Variants in SPRR2A observed in about 807,000 individuals in gnomAD.
SPRR2A encodes small proline rich protein 2A, also known as small proline-rich protein 2A.
In SPRR2A, 3 loss-of-function variants were observed where a neutral mutation model predicts 1.2. That is an observed-to-expected ratio of 2.56 (90% confidence interval 1.17 to 6.62). SPRR2A has a LOEUF of 6.62. Ranked by LOEUF, SPRR2A falls within the 30% of genes most tolerant of loss-of-function variation. The pLI is 0.02. For synonymous variants in SPRR2A, 31 were observed against 33.1 expected (o/e 0.94, Z 0.21); for missense variants, 66 against 87.8 (o/e 0.75, Z 0.99).
chr1:153,056,577 T>G lies in SPRR2A; in HGVS notation c.159A>C (p.Lys53Asn). The change falls in exon 2 of 2, where the codon AAA becomes AAC. Residue 53 changes from lysine (K) to asparagine (N), a missense_variant. Physicochemically the swap from Lys to Asn is moderately conservative, Grantham distance 94. Coordinates refer to ENST00000392653, the MANE Select transcript of SPRR2A (RefSeq NM_005988.3). ...GTGGGGAAGGTGTCACAGGAGGATA[T>G]TTCTGCTGGCACTGCTGAGGTGGGC... ...QPCPPQQCQQ[K>N]YPPVTPSPPC... The G allele has an allele frequency of 6.2e-7, 1 of 1,612,196 alleles. No homozygotes were observed. The highest frequency in any genetic ancestry group is 1.3e-5 in the African/African-American group (1 of 74,950).
Position 153,056,427 on chromosome 1 carries a change from A to G in SPRR2A, c.*90T>C, listed in dbSNP as rs1332883248. ...AAGAAGCTCCCTGTGTATCCATGGT[A>G]GGCTTTGATGAGAAGATGAAGGTGG... On this transcript the variant is annotated 3_prime_UTR_variant, in exon 2 of 2. Transcript: ENST00000392653. The G allele has an allele frequency of 1.9e-6, 3 of 1,546,098 alleles. No homozygotes were observed. The highest frequency in any genetic ancestry group is 2.6e-6 in the Non-Finnish European group (3 of 1,143,598).
chr1:153,057,230 T>C (rs897696115), intron 1 of SPRR2A, among the ~76,000 whole-genome samples: 2 of 152,200 alleles, frequency 1.3e-5, no homozygotes, highest in Non-Finnish European at 2.9e-5. Context: ...AAAAATACTT[T>C]GTTCTTTTTT....
chr1:153,056,268 C>A lies in SPRR2A; in HGVS notation c.*249G>T, dbSNP rs543122719. Reference sequence around the variant, plus strand: ...GGGAGAGAGCTGCTGCTCTTTCTTCCGAAGCTCTGGGAGCTGGCACAGCCC... The same window carrying A: ...GGGAGAGAGCTGCTGCTCTTTCTTCAGAAGCTCTGGGAGCTGGCACAGCCC... On this transcript the variant is annotated 3_prime_UTR_variant, in exon 2 of 2. Transcript: ENST00000392653. 2.1e-5 allele frequency: 13 copies of A among 616,214 alleles called. No homozygotes were observed. In the African/African-American group the frequency reaches 2.4e-4, roughly 11 times the overall value. 38.2% of individuals were successfully genotyped at this position (616,214 alleles called of 1,614,324 possible).
Position 153,056,738 on chromosome 1 carries a change from T to C in SPRR2A, c.-3A>G, listed in dbSNP as rs1654360721. The C allele has an allele frequency of 1.9e-6, 3 of 1,603,614 alleles. No individual in the cohort carries two copies. The highest frequency in any genetic ancestry group is 1.3e-5 in the African/African-American group (1 of 74,720). On this transcript the variant is annotated 5_prime_UTR_variant, in exon 2 of 2. Coordinates refer to ENST00000392653, the MANE Select transcript of SPRR2A (RefSeq NM_005988.3). ...CACTGCTGCTGTTGATAAGACATCCTGCTGGAGTCTCAGGATCTGAAAGAA... is the reference window on the plus strand; with the variant it reads ...CACTGCTGCTGTTGATAAGACATCCCGCTGGAGTCTCAGGATCTGAAAGAA...
rs954330245 is a variant in SPRR2A, at chr1:153,057,505, A to AGG, written c.-56_-55dup. ...CAAGGCAGATCAGTGCTCAGGTACCAGGGGTTTAAGAGTCGTGCAGCAGAG... is the reference window on the plus strand; with the variant it reads ...CAAGGCAGATCAGTGCTCAGGTACCAGGGGGGTTTAAGAGTCGTGCAGCAGAG... On this transcript the variant is annotated 5_prime_UTR_variant, in exon 1 of 2. Coordinates refer to ENST00000392653, the MANE Select transcript of SPRR2A (RefSeq NM_005988.3). The AGG allele has an allele frequency of 6.6e-6, 1 of 152,560 alleles. No individual in the cohort carries two copies. Among genetic ancestry groups the AGG allele is most frequent in the African/African-American group, 2.4e-5 (1 of 41,426 alleles). The allele number at this position is 152,560 out of a possible 1,614,324, so 9.5% of individuals were successfully genotyped here. A position where few individuals can be genotyped will look rare whatever the true frequency, so the allele number is the denominator to read the frequency against.
Position 153,057,490 on chromosome 1 carries a change from C to T in SPRR2A, c.-39G>A, listed in dbSNP as rs957170374. ...ACTCACCAGGTTCTCCAAGGCAGAT[C>T]AGTGCTCAGGTACCAGGGGTTTAAG... On this transcript the variant is annotated 5_prime_UTR_variant, in exon 1 of 2. Coordinates refer to ENST00000392653, the MANE Select transcript of SPRR2A (RefSeq NM_005988.3). The T allele has an allele frequency of 1.3e-5, 2 of 152,808 alleles. No individual in the cohort carries two copies. The highest frequency in any genetic ancestry group is 6.5e-5 in the Admixed American group (1 of 15,370). The allele number at this position is 152,808 out of a possible 1,614,324, so 9.5% of individuals were successfully genotyped here.
rs897753101 is a variant in SPRR2A at position 153,056,885 on chromosome 1, C to G, written c.-19-131G>C. 9.1e-6 allele frequency: 13 copies of G among 1,422,562 alleles called. No individual in the cohort carries two copies. The African/African-American group carries it at 1.4e-4, about 16-fold the overall frequency. 88.1% of individuals were successfully genotyped at this position (1,422,562 alleles called of 1,614,324 possible). A position where few individuals can be genotyped will look rare whatever the true frequency, so the allele number is the denominator to read the frequency against. ...TTATTTAAATTCTTAATTACCTTTT[C>G]AAGACTTTCTGGTTTCTCCCTTCCA... On this transcript the variant is annotated intron_variant, in intron 1 of 1. Transcript: ENST00000392653.
In SPRR2A at chr1:153,056,783, G is replaced by C. The variant is rs1570982756; in HGVS notation, c.-19-29C>G. 7 of 1,597,906 alleles carry C rather than the reference G, an allele frequency of 4.4e-6. No homozygotes were observed. In the East Asian group the frequency reaches 1.6e-4, roughly 36 times the overall value. On this transcript the variant is annotated intron_variant, in intron 1 of 1. Coordinates refer to ENST00000392653, the MANE Select transcript of SPRR2A (RefSeq NM_005988.3). ...AAAGAAATGATACAACAGTGTTCGTGGGAAGGGAATCCTCCAGAGAGAGAA... is the reference window on the plus strand; with the variant it reads ...AAAGAAATGATACAACAGTGTTCGTCGGAAGGGAATCCTCCAGAGAGAGAA...
At position 153,056,711 on chromosome 1, in the gene SPRR2A, T is replaced by G. The variant is rs765532946; in HGVS notation, c.25A>C (p.Lys9Gln). MSYQQQQC[K>Q]QPCQPPPVCP... ...ACAGGAGGTGGCTGGCAGGGCTGCT[T>G]GCACTGCTGCTGTTGATAAGACATC... Residue 9 changes from lysine to glutamine, a missense_variant, in exon 2 of 2, where the codon AAG becomes CAG. By Grantham distance (53) the Lys-to-Gln change is moderately conservative. Coordinates refer to ENST00000392653, the MANE Select transcript of SPRR2A (RefSeq NM_005988.3). 1 of 1,609,832 alleles carries G rather than the reference T, an allele frequency of 6.2e-7. No individual in the cohort carries two copies. The highest frequency in any genetic ancestry group is 1.7e-5 in the Admixed American group (1 of 59,974).
chr1:153,056,889 A>G (rs2101603815), intron 1 of SPRR2A, 135 bp from the exon 2 acceptor site: 1 of 1,411,672 alleles, frequency 7.1e-7, no homozygotes, highest in East Asian at 2.5e-5. Context: ...CCTTTTCAAG[A>G]CTTTCTGGTT....
chr1:153,056,815 G>C, intron 1 of SPRR2A, 61 bp from the exon 2 acceptor site: 1 of 1,600,344 alleles, frequency 6.2e-7, no homozygotes, highest in African/African-American at 1.3e-5. Context: ...AGAAGCCAAA[G>C]CTTGTGTAAT....
At position 153,056,704 on chromosome 1, in the gene SPRR2A, G is replaced by T. The variant is rs1654359866; in HGVS notation, c.32C>A (p.Pro11His). 6.2e-7 allele frequency: 1 copy of T among 1,609,964 alleles called. No individual in the cohort carries two copies. Among genetic ancestry groups the T allele is most frequent in the Non-Finnish European group, 8.5e-7 (1 of 1,179,428 alleles). Residue 11 changes from proline (P) to histidine (H), a missense_variant, in exon 2 of 2, where the codon CCC (proline) becomes CAC (histidine). Physicochemically the swap from Pro to His is moderately conservative, Grantham distance 77. Transcript: ENST00000392653. MSYQQQQCKQ[P>H]CQPPPVCPTP... ...GGGGCACACAGGAGGTGGCTGGCAGGGCTGCTTGCACTGCTGCTGTTGATA... is the reference window on the plus strand; with the variant it reads ...GGGGCACACAGGAGGTGGCTGGCAGTGCTGCTTGCACTGCTGCTGTTGATA...
chr1:153,057,337 A>G (rs375720591), intron 1 of SPRR2A, 134 bp downstream of exon 1: 1 of 155,814 alleles, frequency 6.4e-6, no homozygotes, highest in African/African-American at 2.4e-5. Flanking sequence ...ATTGTGCTCT[A>G]ATCTTAAATT....
chr1:153,057,112 G>A (rs970344502), intron 1 of SPRR2A, among the ~76,000 whole-genome samples: 2 of 152,098 alleles, frequency 1.3e-5, no homozygotes, highest in African/African-American at 4.8e-5. Flanking sequence ...AAGTCCAAGT[G>A]GGCTGACTTG....
At chr1:153,057,401 T>G (rs183871059) in intron 1 of SPRR2A, 70 bp downstream of exon 1, 1 of 154,876 alleles carries the variant, frequency 6.5e-6, no homozygotes, top group African/African-American at 2.4e-5. Context: ...TCCACCAAAC[T>G]TGCCATATTC....
Position 153,056,712 on chromosome 1 carries a change from G to T in SPRR2A, c.24C>A (p.Cys8Ter), listed in dbSNP as rs964327524. 1.2e-6 allele frequency: 2 copies of T among 1,609,656 alleles called. No homozygotes were observed. Among genetic ancestry groups the T allele is most frequent in the African/African-American group, 2.7e-5 (2 of 74,768 alleles). The change falls in exon 2 of 2, where the codon TGC becomes TGA. Residue 8 changes from cysteine to a stop codon, truncating the protein, a stop_gained. Transcript: ENST00000392653. LOFTEE classifies it low-confidence loss of function (END_TRUNC). ...CAGGAGGTGGCTGGCAGGGCTGCTT[G>T]CACTGCTGCTGTTGATAAGACATCC... is the stretch of plus-strand genomic sequence containing the variant. Reference protein sequence around the residue: MSYQQQQCKQPCQPPPVC... With the variant: MSYQQQQ
rs1654382527 is a variant in SPRR2A, at chr1:153,057,489, T to G, written c.-38A>C. 6.5e-6 allele frequency: 1 copy of G among 152,838 alleles called. No homozygotes were observed. Among genetic ancestry groups the G allele is most frequent in the South Asian group, 2.1e-4 (1 of 4,856 alleles). 9.5% of individuals were successfully genotyped at this position (152,838 alleles called of 1,614,324 possible). A position where few individuals can be genotyped will look rare whatever the true frequency, so the allele number is the denominator to read the frequency against. On this transcript the variant is annotated 5_prime_UTR_variant, in exon 1 of 2. Coordinates refer to ENST00000392653, the MANE Select transcript of SPRR2A (RefSeq NM_005988.3). ...GACTCACCAGGTTCTCCAAGGCAGA[T>G]CAGTGCTCAGGTACCAGGGGTTTAA...
In SPRR2A at chr1:153,056,351, G is replaced by GA. The variant is rs1654344551; in HGVS notation, c.*165dup. 7.7e-7 allele frequency: 1 copy of GA among 1,303,074 alleles called. No homozygotes were observed. The highest frequency in any genetic ancestry group is 1.5e-5 in the African/African-American group (1 of 67,046). The allele number at this position is 1,303,074 out of a possible 1,614,324, so 80.7% of individuals were successfully genotyped here. A position where few individuals can be genotyped will look rare whatever the true frequency, so the allele number is the denominator to read the frequency against. On this transcript the variant is annotated 3_prime_UTR_variant, in exon 2 of 2. Transcript: ENST00000392653. ...GTGGCAGTATGGCAGCCTCAGAAAA[G>GA]AAACTTTTTGCTGTCAGGGATCATC...
rs758471732 is a variant in SPRR2A, at chr1:153,056,580, C to T, written c.156G>A (p.Gln52=). 4 of 1,612,140 alleles carry T rather than the reference C, an allele frequency of 2.5e-6. No individual in the cohort carries two copies. In the South Asian group the frequency reaches 3.3e-5, roughly 13 times the overall value. Residue 52 remains glutamine, a synonymous_variant, in exon 2 of 2, where the codon CAG becomes CAA. Transcript: ENST00000392653. ...PQPCPPQQCQ[Q]KYPPVTPSPP... The stretch of plus-strand genomic sequence containing the variant: ...GGGAAGGTGTCACAGGAGGATATTT[C>T]TGCTGGCACTGCTGAGGTGGGCAGG...
Sources: allele counts gnomAD v4.1 joint callset (sites outside exome capture counted in the v4.1 genomes callset), GRCh38; gene constraint gnomAD v4.1.1; transcripts MANE v1.5; gene names NCBI Gene and HGNC (gene_info 2026-07-23, HGNC 2026-07-21).